Variants in MRPS9 observed in about 807,000 individuals in gnomAD.
The protein encoded by MRPS9 is small ribosomal subunit protein uS9m.
In MRPS9, 45 loss-of-function variants were observed where a neutral mutation model predicts 59.9. The observed-to-expected ratio is 0.75, with a 90% CI of 0.59 to 0.96. The LOEUF (loss-of-function observed/expected upper bound fraction) is 0.96, where lower values mean the gene tolerates loss of function less well. MRPS9 is among the 40% of genes least tolerant of loss of function. The pLI, the probability that MRPS9 is intolerant of heterozygous loss-of-function variation, is 0.00. For missense variants in MRPS9, 473 were observed against 481.1 expected, an observed-to-expected ratio of 0.98 and a Z score of 0.16; for synonymous variants, 171 against 166.8, an observed-to-expected ratio of 1.03 and a Z score of -0.19.
At chr2:105,077,242 C>A (rs1680229911) in intron 4 of MRPS9, among the ~76,000 whole-genome samples, 2 of 92,118 alleles carry the variant, frequency 2.2e-5, no homozygotes, top group African/African-American at 3.9e-5. Context: ...GAGACTCCAT[C>A]TCAAAAAAAA....
intron 9 of MRPS9, among the ~76,000 whole-genome samples, chr2:105,095,453 A>G (rs1280016326): frequency 6.6e-6 from 1 of 152,080 alleles, no homozygotes; most frequent in Non-Finnish European, 1.5e-5. Flanking sequence ...GGTCGAGGTA[A>G]ATGCAATAGT....
intron 5 of MRPS9, among the ~76,000 whole-genome samples, chr2:105,086,906 G>C (rs971630102): frequency 1.3e-5 from 2 of 152,138 alleles, no homozygotes; most frequent in Non-Finnish European, 1.5e-5. Context: ...TTTCGTATAA[G>C]TGGGGAGCAT....
At chr2:105,079,250 A>G (rs1558759544) in intron 4 of MRPS9, among the ~76,000 whole-genome samples, 1 of 152,182 alleles carries the variant, frequency 6.6e-6, no homozygotes, top group Non-Finnish European at 1.5e-5. Context: ...ATGGACCAGG[A>G]AGTATAATCT....
intron 7 of MRPS9, among the ~76,000 whole-genome samples, chr2:105,090,489 C>T (rs1186631632): frequency 2.1e-5 from 3 of 139,550 alleles, no homozygotes; most frequent in Non-Finnish European, 4.9e-5. Context: ...GTCGGAATCC[C>T]TTGAAATGCT....
chr2:105,095,563 T>C (rs1275923558), intron 9 of MRPS9, among the ~76,000 whole-genome samples: 1 of 148,728 alleles, frequency 6.7e-6, no homozygotes, highest in Non-Finnish European at 1.5e-5. Context: ...AGTGGTGCAA[T>C]CTTGGCTCAC....
Position 105,079,157 on chromosome 2 carries a change from A to G in MRPS9, c.410-826A>G, listed in dbSNP as rs1165809095. Among the ~76,000 whole-genome samples the G allele has an allele frequency of 2.0e-5, 3 of 152,352 alleles. No individual in the cohort carries two copies. In the East Asian group the frequency reaches 5.8e-4, roughly 29 times the overall value. ...ACAGATTTGACTATTTACATATTTT[A>G]AACTTCTCGATTATGAAAGGTAACA... On this transcript the variant is annotated intron_variant, in intron 4 of 10. Transcript: ENST00000258455.
Position 105,049,191 on chromosome 2 carries a change from T to A in MRPS9, c.156T>A (p.Thr52=). 1.2e-6 allele frequency: 2 copies of A among 1,605,814 alleles called. No homozygotes were observed. Among genetic ancestry groups the A allele is most frequent in the Admixed American group, 3.4e-5 (2 of 58,390 alleles). Reference sequence around the variant, plus strand: ...GTTAGATATTAAGGCTAAGACATACTGCATTTGTAATACCAAAGAAAAACG... The same window carrying A: ...GTTAGATATTAAGGCTAAGACATACAGCATTTGTAATACCAAAGAAAAACG... ...VRSQILRLRH[T]AFVIPKKNVP... is the part of the protein sequence containing the mutation. The change falls in exon 2 of 11, where the codon ACT becomes ACA. Residue 52 remains threonine (T), a synonymous_variant. Coordinates refer to ENST00000258455, the MANE Select transcript of MRPS9 (RefSeq NM_182640.3).
chr2:105,097,671 C>T (rs569252082), intron 10 of MRPS9, among the ~76,000 whole-genome samples: 1 of 152,216 alleles, frequency 6.6e-6, no homozygotes, highest in East Asian at 1.9e-4. Flanking sequence ...AGACAAATTG[C>T]TTGTTTTTGT....
At chr2:105,092,282 C>T (rs1680573770) in intron 7 of MRPS9, 119 bp from the exon 8 acceptor site, 1 of 838,524 alleles carries the variant, frequency 1.2e-6, no homozygotes. Flanking sequence ...GCAGAAGTGT[C>T]ATCCTGTCAA....
intron 2 of MRPS9, among the ~76,000 whole-genome samples, chr2:105,051,909 T>C (rs1328630982): frequency 6.6e-6 from 1 of 152,228 alleles, no homozygotes; most frequent in East Asian, 1.9e-4. Flanking sequence ...CTGAACTTAC[T>C]AATTCTCATA....
Position 105,093,592 on chromosome 2 carries a change from G to C in MRPS9, c.883G>C (p.Val295Leu). ...VYKHGSGRIK[V>L]NGIDYQLYFP... ...TAAACATGGAAGTGGAAGAATAAAA[G>C]TAAATGGAATTGATTACCAGCTTTA... Residue 295 changes from valine (V) to leucine (L), a missense_variant, in exon 9 of 11, where the codon GTA becomes CTA. By Grantham distance (32) the Val-to-Leu change is conservative. Transcript: ENST00000258455. 1.2e-6 allele frequency: 2 copies of C among 1,607,128 alleles called. No homozygotes were observed. Among genetic ancestry groups the C allele is most frequent in the Non-Finnish European group, 1.7e-6 (2 of 1,176,684 alleles).
At chr2:105,061,428 T>C (rs1179193812) in intron 2 of MRPS9, among the ~76,000 whole-genome samples, 1 of 152,096 alleles carries the variant, frequency 6.6e-6, no homozygotes, top group East Asian at 1.9e-4. Context: ...AGGGGTAGTA[T>C]GGGGTGAGCT....
chr2:105,054,077 G>A (rs73945017), intron 2 of MRPS9, among the ~76,000 whole-genome samples: 31,494 of 152,090 alleles, frequency 0.21, 3,342 homozygotes, highest in Middle Eastern at 0.35. Context: ...CAGGACCTGG[G>A]ATTTAGAGAT....
intron 9 of MRPS9, among the ~76,000 whole-genome samples, chr2:105,096,793 A>G (rs559368780): frequency 6.6e-6 from 1 of 152,284 alleles, no homozygotes; most frequent in East Asian, 1.9e-4. Flanking sequence ...TTTATATCTG[A>G]TCATTCAATC....
intron 9 of MRPS9, among the ~76,000 whole-genome samples, chr2:105,095,910 A>G (rs1163815279): frequency 6.6e-6 from 1 of 152,034 alleles, no homozygotes; most frequent in Non-Finnish European, 1.5e-5. Flanking sequence ...GGGCTCAAGC[A>G]GTCCTCCCAC....
intron 1 of MRPS9, among the ~76,000 whole-genome samples, chr2:105,046,261 C>T (rs114300042): frequency 0.012 from 1,591 of 135,330 alleles, 25 homozygotes; most frequent in African/African-American, 0.042. Flanking sequence ...TTAAACCTAC[C>T]GCCTTTTGCT....
chr2:105,090,184 G>T (rs978308512), intron 7 of MRPS9, among the ~76,000 whole-genome samples, 189 bp downstream of exon 7: 4 of 152,110 alleles, frequency 2.6e-5, no homozygotes, highest in African/African-American at 9.7e-5. Flanking sequence ...TTTCTGCCTT[G>T]GGAGGACCTT....
chr2:105,095,602 A>G (rs569805033), intron 9 of MRPS9, among the ~76,000 whole-genome samples: 2 of 151,478 alleles, frequency 1.3e-5, no homozygotes, highest in African/African-American at 4.8e-5. Context: ...GGTTCAAGCA[A>G]TTCTCCTGCC....
intron 10 of MRPS9, 22 bp from the exon 11 acceptor site, chr2:105,099,647 AG>A: frequency 6.2e-7 from 1 of 1,610,430 alleles, no homozygotes; most frequent in Non-Finnish European, 8.5e-7. Flanking sequence ...TGGTTCCTAA[AG>A]GCTTCTCTTT....
Sources: gnomAD v4.1 joint callset for allele counts (sites outside exome capture counted in the v4.1 genomes callset) on GRCh38, gnomAD v4.1.1 for gene constraint, MANE v1.5 for transcripts, NCBI Gene and HGNC (gene_info 2026-07-23, HGNC 2026-07-21) for gene names.